The following NDRG1 variants were observed in gnomAD, a reference collection of about 807,000 sequenced individuals.
The protein encoded by NDRG1 is protein NDRG1.
Under a neutral mutation model 56.9 loss-of-function variants are expected in NDRG1, and 32 were observed. The ratio of observed to expected loss-of-function variants is 0.56; its 90% CI spans 0.42 to 0.76. NDRG1 has a LOEUF of 0.76. NDRG1 is among the 30% of genes least tolerant of loss of function. The probability of loss-of-function intolerance (pLI) is 0.00; values close to 1 mark genes in which losing one functional copy is unlikely to be tolerated. For synonymous variants in NDRG1, 211 were observed against 204.1 expected (o/e 1.03, Z -0.29); for missense variants, 507 against 545.7 (o/e 0.93, Z 0.71).
intron 1 of NDRG1, among the ~76,000 whole-genome samples, chr8:133,286,781 T>C (rs1172401221): frequency 2.0e-5 from 3 of 152,196 alleles, no homozygotes; most frequent in African/African-American, 7.2e-5. Flanking sequence ...AATGATTCCA[T>C]TGATTTTGAA....
chr8:133,251,731 A>G (rs1428578703), intron 9 of NDRG1, among the ~76,000 whole-genome samples: 2 of 152,254 alleles, frequency 1.3e-5, no homozygotes, highest in East Asian at 3.8e-4. Flanking sequence ...AGATATGTCC[A>G]TGTCAAATCT....
In NDRG1 at chr8:133,259,241, C is replaced by T; in HGVS notation, c.327-11G>A. On this transcript the variant is annotated splice_polypyrimidine_tract_variant and intron_variant, in intron 5 of 15. Transcript: ENST00000323851. ...GAGGGGTACATGTACCTGGGGATGACACAGAGAAGCCATTAGTGAGCGCCC... is the reference window on the plus strand; with the variant it reads ...GAGGGGTACATGTACCTGGGGATGATACAGAGAAGCCATTAGTGAGCGCCC... The T allele has an allele frequency of 1.2e-6, 2 of 1,614,048 alleles. No homozygotes were observed. Among genetic ancestry groups the T allele is most frequent in the South Asian group, 1.1e-5 (1 of 91,076 alleles).
chr8:133,284,647 C>T (rs1858001494), intron 1 of NDRG1: 2 of 465,386 alleles, frequency 4.3e-6, no homozygotes. Context: ...ACCCACCATA[C>T]CCAGGATGCA....
intron 13 of NDRG1, 61 bp from the exon 14 acceptor site, chr8:133,244,451 G>T: frequency 6.2e-7 from 1 of 1,606,192 alleles, no homozygotes; most frequent in Non-Finnish European, 8.5e-7. Context: ...TGCGCTCTAT[G>T]AATTTTTTCC....
At chr8:133,296,166 C>G (rs1011799558) in intron 1 of NDRG1, among the ~76,000 whole-genome samples, 2 of 151,964 alleles carry the variant, frequency 1.3e-5, no homozygotes, top group African/African-American at 2.4e-5. Context: ...AATCAGAGAC[C>G]GCGGCGGATC....
chr8:133,280,154 A>G (rs908753350), intron 3 of NDRG1, 78 bp downstream of exon 3: 66 of 1,550,174 alleles, frequency 4.3e-5, no homozygotes, highest in Admixed American at 6.8e-5. Context: ...ACAATGATCT[A>G]CTTAAACCAA....
intron 13 of NDRG1, among the ~76,000 whole-genome samples, chr8:133,245,676 G>C (rs756179681): frequency 6.6e-6 from 1 of 152,072 alleles, no homozygotes; most frequent in East Asian, 1.9e-4. Context: ...CCTTGATTTC[G>C]GACTTTTAGC....
chr8:133,292,430 C>T (rs776722881), intron 1 of NDRG1, among the ~76,000 whole-genome samples: 4 of 152,134 alleles, frequency 2.6e-5, no homozygotes, highest in Non-Finnish European at 5.9e-5. Context: ...AACACAACAC[C>T]TACTAAGGAC....
intron 6 of NDRG1, 94 bp from the exon 7 acceptor site, chr8:133,258,520 C>T (rs1856497622): frequency 2.4e-6 from 3 of 1,239,642 alleles, no homozygotes; most frequent in Non-Finnish European, 3.5e-6. Flanking sequence ...GACCGCCTGG[C>T]TAGGCAATGC....
At chr8:133,264,398 C>CT (rs1856808776) in intron 4 of NDRG1, 149 bp downstream of exon 4, 3 of 747,242 alleles carry the variant, frequency 4.0e-6, no homozygotes. Flanking sequence ...CTTTTCCAGG[C>CT]TGTGGCAAGA....
intron 1 of NDRG1, among the ~76,000 whole-genome samples, chr8:133,294,856 T>G (rs1858653306): frequency 6.6e-6 from 1 of 152,194 alleles, no homozygotes; most frequent in South Asian, 2.1e-4. Context: ...AGATGCAATT[T>G]CCTTTCGCCC....
At chr8:133,254,862 T>C (rs1255370995) in intron 8 of NDRG1, 1 of 504,586 alleles carries the variant, frequency 2.0e-6, no homozygotes, top group Non-Finnish European at 3.6e-6. Context: ...AAGTGCTGAA[T>C]AAAGACCCAG....
In NDRG1 at chr8:133,264,871, T is replaced by C. The variant is rs147883194; in HGVS notation, c.100-219A>G. On this transcript the variant is annotated intron_variant, in intron 3 of 15. Coordinates refer to ENST00000323851, the MANE Select transcript of NDRG1 (RefSeq NM_006096.4). Reference sequence around the variant, plus strand: ...AGGAGGCAGGGGACAGAGGCCTGGCTCAGACTGCGCTGTTAAATGCACCAA... The same window carrying C: ...AGGAGGCAGGGGACAGAGGCCTGGCCCAGACTGCGCTGTTAAATGCACCAA... The C allele has an allele frequency of 3.7e-3, 2,206 of 602,262 alleles. 12 individuals are homozygous for C. Among genetic ancestry groups the C allele is most frequent in the Non-Finnish European group, 5.2e-3 (1,745 of 333,720 alleles). The allele number at this position is 602,262 out of a possible 1,614,324, so 37.3% of individuals were successfully genotyped here.
chr8:133,267,314 G>T (rs1856970988), intron 3 of NDRG1, among the ~76,000 whole-genome samples: 1 of 152,206 alleles, frequency 6.6e-6, no homozygotes, highest in South Asian at 2.1e-4. Context: ...ACGCAGCAGT[G>T]GTTACCAGGT....
At chr8:133,276,058 C>T (rs1438650247) in intron 3 of NDRG1, among the ~76,000 whole-genome samples, 1 of 152,228 alleles carries the variant, frequency 6.6e-6, no homozygotes, top group Non-Finnish European at 1.5e-5. Context: ...AATGCTCCGA[C>T]CTCATAGGAC....
chr8:133,249,709 T>A, intron 10 of NDRG1, among the ~76,000 whole-genome samples: 1 of 152,192 alleles, frequency 6.6e-6, no homozygotes, highest in South Asian at 2.1e-4. Flanking sequence ...ACATCCACAG[T>A]GAGGATGTTA....
Position 133,244,231 on chromosome 8 carries a change from CA to C in NDRG1, c.891+123del, listed in dbSNP as rs1336748498. The C allele has an allele frequency of 5.7e-6, 7 of 1,238,428 alleles. No individual in the cohort carries two copies. The Admixed American group carries it at 1.3e-4, about 22-fold the overall frequency. The allele number at this position is 1,238,428 out of a possible 1,614,324, so 76.7% of individuals were successfully genotyped here. A position where few individuals can be genotyped will look rare whatever the true frequency, so the allele number is the denominator to read the frequency against. ...CCTCCTATATAGCACCTTTTCCCAACAGTCCACAAACTGTCATCCGATGTCA... is the reference window on the plus strand; with the variant it reads ...CCTCCTATATAGCACCTTTTCCCAACGTCCACAAACTGTCATCCGATGTCA... On this transcript the variant is annotated intron_variant, in intron 14 of 15. Coordinates refer to ENST00000323851, the MANE Select transcript of NDRG1 (RefSeq NM_006096.4).
Position 133,280,245 on chromosome 8 carries a change from T to G in NDRG1, c.86A>C (p.Glu29Ala), listed in dbSNP as rs777139536. 3 of 1,614,090 alleles carry G rather than the reference T, an allele frequency of 1.9e-6. No individual in the cohort carries two copies. In the South Asian group the frequency reaches 3.3e-5, roughly 18 times the overall value. ...KGETITGLLQ[E>A]FDVQEQDIET... is the part of the protein sequence containing the mutation. ...TCCTCTACTTGCCTGGACATCAAACTCTTGCAGGAGGCCGGTGATGGTCTG... is the reference window on the plus strand; with the variant it reads ...TCCTCTACTTGCCTGGACATCAAACGCTTGCAGGAGGCCGGTGATGGTCTG... The change falls in exon 3 of 16, where the codon GAG becomes GCG. Residue 29 changes from glutamate to alanine, a missense_variant. Glu to Ala is a moderately radical substitution (Grantham distance 107). Transcript: ENST00000323851.
chr8:133,250,252 A>G lies in NDRG1; in HGVS notation c.698+188T>C, dbSNP rs181068122. ...GTTCAGATCCCTGCAAGGCGAGCTG[A>G]ATGCCAGGAACCAGCTTACAGGCCA... On this transcript the variant is annotated intron_variant, in intron 10 of 15. Coordinates refer to ENST00000323851, the MANE Select transcript of NDRG1 (RefSeq NM_006096.4). Among the ~76,000 whole-genome samples, 36 of 152,300 alleles carry G rather than the reference A, an allele frequency of 2.4e-4. No individual in the cohort carries two copies. The East Asian group carries it at 6.8e-3, about 29-fold the overall frequency.
Sources: allele counts gnomAD v4.1 joint callset (sites outside exome capture counted in the v4.1 genomes callset), GRCh38; gene constraint gnomAD v4.1.1; transcripts MANE v1.5; gene names NCBI Gene and HGNC (gene_info 2026-07-23, HGNC 2026-07-21).